Variants in EFHB observed in about 807,000 individuals in gnomAD.
EFHB encodes EF-hand domain family member B.
In EFHB, 91 loss-of-function variants were observed where a neutral mutation model predicts 87.2. The observed-to-expected ratio is 1.04, with a 90% CI of 0.88 to 1.24. EFHB has a LOEUF of 1.24. EFHB is among the 50% of genes most tolerant of loss of function. The pLI, the probability that EFHB is intolerant of heterozygous loss-of-function variation, is 0.00. For synonymous variants in EFHB, 325 were observed against 333.6 expected (o/e 0.97, Z 0.28); for missense variants, 1,084 against 998.8 (o/e 1.09, Z -1.15).
At chr3:19,899,758 G>A (rs1459647899) in intron 6 of EFHB, among the ~76,000 whole-genome samples, 1 of 152,140 alleles carries the variant, frequency 6.6e-6, no homozygotes, top group Non-Finnish European at 1.5e-5. Flanking sequence ...AATAAAACAA[G>A]GTGTTAATAT....
At chr3:19,937,382 A>G (rs1575056066), upstream of EFHB, among the ~76,000 whole-genome samples, 1 of 152,162 alleles carries the variant, frequency 6.6e-6, no homozygotes, top group South Asian at 2.1e-4. Flanking sequence ...AGAATTTACT[A>G]TAGCAGCTCA....
upstream of EFHB, among the ~76,000 whole-genome samples, chr3:19,934,500 CTCCCCTCCCTCCCCCTCT>C (rs1695962783): frequency 6.6e-6 from 1 of 151,560 alleles, no homozygotes; most frequent in Non-Finnish European, 1.5e-5. Context: ...TTCTCCCTCT[CTCCCCTCCCTCCCCCTCT>C]TCCCCTCTAT....
intron 4 of EFHB, among the ~76,000 whole-genome samples, chr3:19,917,368 T>C (rs1415117456): frequency 6.6e-6 from 1 of 152,184 alleles, no homozygotes; most frequent in Non-Finnish European, 1.5e-5. Flanking sequence ...ACTCCAGATT[T>C]TACATTCCAA....
At chr3:19,943,484 G>T (rs945030363) in intron 1 of EFHB, among the ~76,000 whole-genome samples, 2 of 152,004 alleles carry the variant, frequency 1.3e-5, no homozygotes, top group African/African-American at 4.8e-5. Flanking sequence ...CAGGTATTGA[G>T]TCCCTCCCTA....
chr3:19,904,236 T>C (rs139691762), intron 6 of EFHB, among the ~76,000 whole-genome samples: 18 of 152,322 alleles, frequency 1.2e-4, no homozygotes, highest in Admixed American at 3.3e-4. Context: ...GTGGTTGCTA[T>C]AAGAAATTAC....
Position 19,882,678 on chromosome 3 carries a change from T to C in EFHB, c.2200A>G (p.Ile734Val). The C allele has an allele frequency of 6.8e-6, 11 of 1,613,836 alleles. No individual in the cohort carries two copies. The highest frequency in any genetic ancestry group is 9.3e-6 in the Non-Finnish European group (11 of 1,179,822). ...TIRSDIPAPR[I>V]RRISDRTNYG... Reference sequence around the variant, plus strand: ...TTAGTTCTGTCACTGATGCGACGAATTCGGGGAGCAGGAATGTCAGATCGA... The same window carrying C: ...TTAGTTCTGTCACTGATGCGACGAACTCGGGGAGCAGGAATGTCAGATCGA... The change falls in exon 12 of 13, where the codon ATT (isoleucine) becomes GTT (valine). Residue 734 changes from isoleucine (I) to valine (V), a missense_variant. Coordinates refer to ENST00000295824, the MANE Select transcript of EFHB (RefSeq NM_144715.4).
chr3:19,914,285 A>G (rs926802895), intron 5 of EFHB, among the ~76,000 whole-genome samples: 1 of 152,146 alleles, frequency 6.6e-6, no homozygotes, highest in Non-Finnish European at 1.5e-5. Context: ...ATAGACATGA[A>G]ATTTTTCAAA....
At chr3:19,929,000 G>A (rs1695730393) in intron 1 of EFHB, among the ~76,000 whole-genome samples, 1 of 151,590 alleles carries the variant, frequency 6.6e-6, no homozygotes, top group Non-Finnish European at 1.5e-5. Context: ...CAAACATATG[G>A]AGCAATTTTC....
At position 19,882,642 on chromosome 3, in the gene EFHB, C is replaced by T; in HGVS notation, c.2236G>A (p.Glu746Lys). The T allele has an allele frequency of 6.2e-7, 1 of 1,613,712 alleles. No homozygotes were observed. Among genetic ancestry groups the T allele is most frequent in the Non-Finnish European group, 8.5e-7 (1 of 1,179,758 alleles). ...TATAGTAGTGAATATGCACTACCTT[C>T]TTCACCATAATTAGTTCTGTCACTG... ...RISDRTNYGE[E>K]GSAYSLLYPT... The change falls in exon 12 of 13, where the codon GAA becomes AAA. Residue 746 changes from glutamate (E) to lysine (K), a missense_variant. By Grantham distance (56) the Glu-to-Lys change is moderately conservative. Coordinates refer to ENST00000295824, the MANE Select transcript of EFHB (RefSeq NM_144715.4).
chr3:19,881,951 C>T (rs1021477670), intron 12 of EFHB, among the ~76,000 whole-genome samples: 9 of 151,620 alleles, frequency 5.9e-5, no homozygotes, highest in Admixed American at 1.3e-4. Flanking sequence ...GTTTTATAAC[C>T]CTAGCTTTAT....
chr3:19,922,542 T>G (rs1370181575), intron 1 of EFHB, among the ~76,000 whole-genome samples: 1 of 152,206 alleles, frequency 6.6e-6, no homozygotes, highest in Non-Finnish European at 1.5e-5. Flanking sequence ...CTTTCTGTAA[T>G]GCATTTCCTC....
upstream of EFHB, chr3:19,934,226 G>C: frequency 7.0e-7 from 1 of 1,430,412 alleles, no homozygotes; most frequent in Non-Finnish European, 9.1e-7. Flanking sequence ...CTGTTTATCA[G>C]GTTACCTGGG....
intron 1 of EFHB, among the ~76,000 whole-genome samples, chr3:19,927,251 G>A (rs1695663173): frequency 6.6e-6 from 1 of 152,202 alleles, no homozygotes; most frequent in Non-Finnish European, 1.5e-5. Context: ...GGATAGCTTA[G>A]AAAATAACCA....
At chr3:19,893,767 T>A (rs953826429) in intron 9 of EFHB, among the ~76,000 whole-genome samples, 95 of 152,164 alleles carry the variant, frequency 6.2e-4, no homozygotes, top group African/African-American at 2.2e-3. Context: ...CCATTTGCAG[T>A]CATTCCACAA....
rs1559459816 is a variant in EFHB, at chr3:19,908,602, A to AGAGAGAG, written c.1289-2854_1289-2853insCTCTCTC. Reference sequence around the variant, plus strand: ...AGAGAGAGAGAGAGAGAGAGAGAGAAAGAAAGAAAGAAAGAAAGAAAGAAA... The same window carrying AGAGAGAG: ...AGAGAGAGAGAGAGAGAGAGAGAGAAGAGAGAGAGAAAGAAAGAAAGAAAGAAAGAAA... On this transcript the variant is annotated intron_variant, in intron 5 of 12. Coordinates refer to ENST00000295824, the MANE Select transcript of EFHB (RefSeq NM_144715.4). 5.8e-4 allele frequency among the ~76,000 whole-genome samples: 45 copies of AGAGAGAG among 77,220 alleles called. 1 individual carries two copies. The highest frequency in any genetic ancestry group is 1.9e-3 in the South Asian group (4 of 2,140). 50.7% of individuals were successfully genotyped at this position (77,220 alleles called of 152,430 possible). A position where few individuals can be genotyped will look rare whatever the true frequency, so the allele number is the denominator to read the frequency against.
chr3:19,933,851 C>G lies in EFHB; in HGVS notation c.168G>C (p.Arg56Ser). 1 of 1,613,924 alleles carries G rather than the reference C, an allele frequency of 6.2e-7. No homozygotes were observed. The highest frequency in any genetic ancestry group is 8.5e-7 in the Non-Finnish European group (1 of 1,179,882). The change falls in exon 1 of 13, where the codon AGG becomes AGC. Residue 56 changes from arginine to serine, a missense_variant. Arg to Ser is a moderately radical substitution (Grantham distance 110). Coordinates refer to ENST00000295824, the MANE Select transcript of EFHB (RefSeq NM_144715.4). ...SPVVSNKCEG[R>S]MAPPETKFPL... Reference sequence around the variant, plus strand: ...GAAATTTTGTTTCTGGTGGTGCCATCCTTCCCTCACACTTATTACTAACCA... The same window carrying G: ...GAAATTTTGTTTCTGGTGGTGCCATGCTTCCCTCACACTTATTACTAACCA...
At chr3:19,880,769 T>C (rs1669417884) in intron 12 of EFHB, among the ~76,000 whole-genome samples, 1 of 152,112 alleles carries the variant, frequency 6.6e-6, no homozygotes, top group Non-Finnish European at 1.5e-5. Context: ...ATGCTTCTTA[T>C]GTCTTAAGAA....
In EFHB at chr3:19,945,887, T is replaced by C. The variant is rs1696265424; in HGVS notation, c.-32+1032A>G. ...AACCCGGTACACTTCAAAGACAATA[T>C]TCTCGCCCTTACAACAGAGCTATAC... is the stretch of plus-strand genomic sequence containing the variant. On this transcript the variant is annotated intron_variant, in intron 1 of 14. Transcript: ENST00000344838. 2.6e-5 allele frequency: 4 copies of C among 152,164 alleles called. No homozygotes were observed. In the South Asian group the frequency reaches 8.3e-4, roughly 32 times the overall value. The allele number at this position is 152,164 out of a possible 1,614,324, so 9.4% of individuals were successfully genotyped here.
At chr3:19,928,902 T>C (rs1490417325) in intron 1 of EFHB, among the ~76,000 whole-genome samples, 3 of 151,640 alleles carry the variant, frequency 2.0e-5, no homozygotes, top group African/African-American at 7.3e-5. Context: ...AGCAAAATAG[T>C]CATTAAAAAA....
Sources: allele counts gnomAD v4.1 joint callset (sites outside exome capture counted in the v4.1 genomes callset), GRCh38; gene constraint gnomAD v4.1.1; transcripts MANE v1.5; gene names NCBI Gene and HGNC (gene_info 2026-07-23, HGNC 2026-07-21).